TTI2: variants seen among roughly 807,000 people sequenced by gnomAD.
TTI2 encodes the protein TELO2-interacting protein 2.
Under a neutral mutation model 44.9 loss-of-function variants are expected in TTI2, and 26 were observed. The observed-to-expected ratio is 0.58, with a 90% CI of 0.42 to 0.80. TTI2 has a LOEUF of 0.80. Ranked by LOEUF, TTI2 falls within the 30% of genes least tolerant of loss-of-function variation. The probability of loss-of-function intolerance (pLI) is 0.00; values close to 1 mark genes in which losing one functional copy is unlikely to be tolerated. For missense variants in TTI2, 582 were observed against 611.6 expected (o/e 0.95, Z 0.51); for synonymous variants, 254 against 250.9 (o/e 1.01, Z -0.12).
intron 3 of TTI2, among the ~76,000 whole-genome samples, chr8:33,508,145 T>C (rs114809336): frequency 0.016 from 2,003 of 121,414 alleles, 57 homozygotes; most frequent in African/African-American, 0.058. Flanking sequence ...ATTCTTAGTC[T>C]AAAAAGTATA....
chr8:33,502,111 G>A (rs868698750), intron 6 of TTI2, among the ~76,000 whole-genome samples: 49 of 151,896 alleles, frequency 3.2e-4, no homozygotes, highest in Non-Finnish European at 2.6e-4. Flanking sequence ...GCCCGGCTAA[G>A]TTTTGTATAT....
intron 3 of TTI2, among the ~76,000 whole-genome samples, chr8:33,508,655 G>T (rs1330426318): frequency 1.3e-5 from 2 of 150,030 alleles, no homozygotes; most frequent in Non-Finnish European, 3.0e-5. Context: ...GGGGGGCAGG[G>T]TTGGAGGTGA....
In TTI2 at chr8:33,498,953, G is replaced by A. The variant is rs371859134; in HGVS notation, c.*220C>T. 1.7e-6 allele frequency: 1 copy of A among 590,614 alleles called. No individual in the cohort carries two copies. Among genetic ancestry groups the A allele is most frequent in the Non-Finnish European group, 3.0e-6 (1 of 335,494 alleles). The allele number at this position is 590,614 out of a possible 1,614,324, so 36.6% of individuals were successfully genotyped here. Reference sequence around the variant, plus strand: ...AATTTTAAATGCTACATTACTTGGTGTCCTTTTTTCTCCCAAACTTTATTT... The same window carrying A: ...AATTTTAAATGCTACATTACTTGGTATCCTTTTTTCTCCCAAACTTTATTT... On this transcript the variant is annotated 3_prime_UTR_variant, in exon 8 of 8. Coordinates refer to ENST00000431156, the MANE Select transcript of TTI2 (RefSeq NM_001102401.4).
intron 3 of TTI2, among the ~76,000 whole-genome samples, chr8:33,509,455 C>CAAAAAAAA (rs767485555): frequency 5.8e-5 from 4 of 69,536 alleles, no homozygotes; most frequent in South Asian, 5.1e-4. Flanking sequence ...GACTCCCTCT[C>CAAAAAAAA]AAAAAAAAAA....
At chr8:33,501,146 T>TA (rs1251787231) in intron 6 of TTI2, 1 of 152,180 alleles carries the variant, frequency 6.6e-6, no homozygotes, top group Non-Finnish European at 1.5e-5. Context: ...TTTATATGTA[T>TA]TTTTACCACA....
chr8:33,504,031 A>C, intron 4 of TTI2, 96 bp from the exon 5 acceptor site: 2 of 1,292,906 alleles, frequency 1.5e-6, no homozygotes, highest in Non-Finnish European at 2.2e-6. Context: ...TACCGTCCTT[A>C]GGGTCCATAC....
rs1033325840 is a variant in TTI2 at position 33,498,759 on chromosome 8, A to G, written c.*414T>C. The G allele has an allele frequency of 1.3e-6, 1 of 785,724 alleles. No homozygotes were observed. The highest frequency in any genetic ancestry group is 2.0e-6 in the Non-Finnish European group (1 of 506,018). The allele number at this position is 785,724 out of a possible 1,614,324, so 48.7% of individuals were successfully genotyped here. On this transcript the variant is annotated 3_prime_UTR_variant, in exon 8 of 8. Coordinates refer to ENST00000431156, the MANE Select transcript of TTI2 (RefSeq NM_001102401.4). ...TACTGAACACAATATTTGTGTTTTT[A>G]TTATTTATGCCACGTCAGTGGGGCA...
Position 33,512,366 on chromosome 8 carries a change from C to G in TTI2, c.248G>C (p.Gly83Ala), listed in dbSNP as rs780215079. The change falls in exon 2 of 8, where the codon GGG (glycine) becomes GCG (alanine). Residue 83 changes from glycine (G) to alanine (A), a missense_variant. Gly to Ala is a moderately conservative substitution (Grantham distance 60). Transcript: ENST00000431156. Reference sequence around the variant, plus strand: ...CTTCTCCAGGGCTTTTGCTACCTGCCCCAGTGTCTCCGGCATTCCGCGGAG... The same window carrying G: ...CTTCTCCAGGGCTTTTGCTACCTGCGCCAGTGTCTCCGGCATTCCGCGGAG... Reference protein sequence around the residue: ...ARLRGMPETLGQVAKALEKYA... With the variant: ...ARLRGMPETLAQVAKALEKYA... The G allele has an allele frequency of 3.1e-6, 5 of 1,614,082 alleles. No individual in the cohort carries two copies. The African/African-American group carries it at 4.0e-5, about 13-fold the overall frequency.
At position 33,500,466 on chromosome 8, in the gene TTI2, T is replaced by G. The variant is rs1486401937; in HGVS notation, c.1284A>C (p.Leu428Phe). ...AAATCAGTTTCAAGAGGGCCTTCAG[T>G]AAGACCACAAGTCTGCAGGAAACTC... ...WPRVSCRLVV[L>F]LKALLKLICD... Residue 428 changes from leucine to phenylalanine, a missense_variant, in exon 7 of 8, where the codon TTA (leucine) becomes TTC (phenylalanine). Coordinates refer to ENST00000431156, the MANE Select transcript of TTI2 (RefSeq NM_001102401.4). 1 of 1,614,118 alleles carries G rather than the reference T, an allele frequency of 6.2e-7. No homozygotes were observed. Among genetic ancestry groups the G allele is most frequent in the Non-Finnish European group, 8.5e-7 (1 of 1,180,014 alleles).
At position 33,507,198 on chromosome 8, in the gene TTI2, A is replaced by C. The variant is rs749475422; in HGVS notation, c.927+31T>G. 5.2e-5 allele frequency: 82 copies of C among 1,586,072 alleles called. No homozygotes were observed. The Admixed American group carries it at 1.3e-3, about 25-fold the overall frequency. Reference sequence around the variant, plus strand: ...CCTTCTACTCAAATTCAGAGAATCCAGACCCAGTTATGAAGAAATCATACT... The same window carrying C: ...CCTTCTACTCAAATTCAGAGAATCCCGACCCAGTTATGAAGAAATCATACT... On this transcript the variant is annotated intron_variant, in intron 4 of 7. Transcript: ENST00000431156.
At position 33,499,072 on chromosome 8, in the gene TTI2, A is replaced by C; in HGVS notation, c.*101T>G. ...AGGAAGGAAAAAGCAGCTTTCACTT[A>C]CAAAGTTTCGTGTAAAAATATCTTT... On this transcript the variant is annotated 3_prime_UTR_variant, in exon 8 of 8. Transcript: ENST00000431156. 9.9e-7 allele frequency: 1 copy of C among 1,012,852 alleles called. No homozygotes were observed. The highest frequency in any genetic ancestry group is 1.5e-6 in the Non-Finnish European group (1 of 655,976). The allele number at this position is 1,012,852 out of a possible 1,614,324, so 62.7% of individuals were successfully genotyped here.
rs1325152195 is a variant in TTI2, at chr8:33,507,214, A to G, written c.927+15T>C. On this transcript the variant is annotated intron_variant, in intron 4 of 7. Transcript: ENST00000431156. ...AGAGAATCCAGACCCAGTTATGAAG[A>G]AATCATACTATTACCTGAATGAGGT... 6.2e-7 allele frequency: 1 copy of G among 1,609,956 alleles called. No homozygotes were observed. The highest frequency in any genetic ancestry group is 1.1e-5 in the South Asian group (1 of 90,982).
Position 33,499,038 on chromosome 8 carries a change from A to C in TTI2, c.*135T>G, listed in dbSNP as rs1315893732. 8.6e-6 allele frequency: 6 copies of C among 693,644 alleles called. No individual in the cohort carries two copies. Among genetic ancestry groups the C allele is most frequent in the African/African-American group, 2.7e-5 (1 of 37,306 alleles). The allele number at this position is 693,644 out of a possible 1,614,324, so 43.0% of individuals were successfully genotyped here. A position where few individuals can be genotyped will look rare whatever the true frequency, so the allele number is the denominator to read the frequency against. On this transcript the variant is annotated 3_prime_UTR_variant, in exon 8 of 8. Coordinates refer to ENST00000431156, the MANE Select transcript of TTI2 (RefSeq NM_001102401.4). ...CTTTCCCTATTCTTATGGAGGTAAA[A>C]GGAAAGGAAGGAAGGAAAAAGCAGC...
intron 3 of TTI2, 79 bp downstream of exon 3, chr8:33,509,667 G>T: frequency 7.3e-7 from 1 of 1,368,594 alleles, no homozygotes; most frequent in Non-Finnish European, 1.0e-6. Flanking sequence ...GAATGACTTA[G>T]CATTACTAGA....
intron 3 of TTI2, among the ~76,000 whole-genome samples, chr8:33,509,148 A>AAAAAAG (rs1585331540): frequency 6.9e-6 from 1 of 145,504 alleles, no homozygotes; most frequent in African/African-American, 2.7e-5. Context: ...AAAAAAAAAA[A>AAAAAAG]AAAGAAAGAA....
chr8:33,509,778 C>CA lies in TTI2; in HGVS notation c.801dup (p.Val268CysfsTer10), dbSNP rs1809450240. 1 of 1,614,082 alleles carries CA rather than the reference C, an allele frequency of 6.2e-7. No individual in the cohort carries two copies. The highest frequency in any genetic ancestry group is 1.7e-5 in the Admixed American group (1 of 59,986). ...AGCACAATGTGATGGAGACAGTGTA[C>CA]ACCCAGGATTTTGTTCTCAGTCTGA... On this transcript the variant is annotated frameshift_variant, in exon 3 of 8. Transcript: ENST00000431156. LOFTEE classifies it high-confidence loss of function.
intron 7 of TTI2, 133 bp from the exon 8 acceptor site, chr8:33,499,410 G>T: frequency 2.9e-6 from 2 of 691,558 alleles, no homozygotes; most frequent in Non-Finnish European, 2.6e-6. Flanking sequence ...AGGTCACTAA[G>T]CAGAATAGGT....
chr8:33,500,918 G>A (rs767901742), intron 6 of TTI2: 1 of 158,592 alleles, frequency 6.3e-6, no homozygotes, highest in Non-Finnish European at 1.4e-5. Flanking sequence ...TGAGGGAAAT[G>A]AGCTTGGCTT....
intron 6 of TTI2, among the ~76,000 whole-genome samples, chr8:33,503,142 A>C (rs1160598728): frequency 4.9e-5 from 7 of 142,030 alleles, no homozygotes; most frequent in East Asian, 4.0e-4. Flanking sequence ...AAAAAAAAAA[A>C]AAAAAACAAA....
Sources: gnomAD v4.1 joint callset for allele counts (sites outside exome capture counted in the v4.1 genomes callset) on GRCh38, gnomAD v4.1.1 for gene constraint, MANE v1.5 for transcripts, NCBI Gene and HGNC (gene_info 2026-07-23, HGNC 2026-07-21) for gene names.